The following PARVB variants were observed in gnomAD, a reference collection of about 807,000 sequenced individuals.
PARVB encodes parvin beta, also known as beta-parvin.
Under a neutral mutation model 47.0 loss-of-function variants are expected in PARVB, and 46 were observed. That is an observed-to-expected ratio of 0.98 (90% CI 0.77 to 1.25). PARVB has a LOEUF of 1.25. Ranked by LOEUF, PARVB falls within the 50% of genes most tolerant of loss-of-function variation. The pLI is 0.00. For synonymous variants in PARVB, 196 were observed against 196.3 expected (o/e 1.00, Z 0.01); for missense variants, 473 against 471.6 (o/e 1.00, Z -0.03).
In PARVB at chr22:44,064,676, C is replaced by CAAACAA. The variant is rs774138061; in HGVS notation, c.113-29232_113-29227dup. 4.0e-5 allele frequency among the ~76,000 whole-genome samples: 6 copies of CAAACAA among 151,812 alleles called. No individual in the cohort carries two copies. In the South Asian group the frequency reaches 6.2e-4, roughly 16 times the overall value. On this transcript the variant is annotated intron_variant, in intron 1 of 12. Transcript: ENST00000338758. ...CAACAAAGTGAGACTCCTGTCTCTA[C>CAAACAA]AAACAAAAACAAAAACAAAAACAAA...
chr22:44,018,027 A>G (rs1407728481), intron 2 of PARVB, among the ~76,000 whole-genome samples: 2 of 152,094 alleles, frequency 1.3e-5, no homozygotes, highest in African/African-American at 2.4e-5. Context: ...CCTGCCCTAG[A>G]TGACAGTCTC....
intron 1 of PARVB, among the ~76,000 whole-genome samples, chr22:44,056,276 C>G (rs145027291): frequency 3.3e-5 from 5 of 152,300 alleles, no homozygotes; most frequent in African/African-American, 1.2e-4. Context: ...CCCTTTGTCA[C>G]CTGGGAGGGG....
At chr22:44,077,619 G>A (rs568019191) in intron 1 of PARVB, among the ~76,000 whole-genome samples, 1 of 152,300 alleles carries the variant, frequency 6.6e-6, no homozygotes, top group East Asian at 1.9e-4. Context: ...GATGTGACGG[G>A]GAGTCGCCAG....
exon 1 of PARVB, chr22:43,999,281 T>C (rs763429344): frequency 4.5e-6 from 6 of 1,343,778 alleles, no homozygotes; most frequent in Non-Finnish European, 6.2e-6. Context: ...TTTTAATTTC[T>C]GAATTCTCCC....
At chr22:44,045,792 T>C (rs190582719) in intron 1 of PARVB, among the ~76,000 whole-genome samples, 1 of 152,368 alleles carries the variant, frequency 6.6e-6, no homozygotes, top group Non-Finnish European at 1.5e-5. Context: ...GGTCTGTCTT[T>C]ATGTTAGTAC....
At chr22:44,015,009 C>G (rs1184437945) in intron 2 of PARVB, among the ~76,000 whole-genome samples, 1 of 152,056 alleles carries the variant, frequency 6.6e-6, no homozygotes, top group Non-Finnish European at 1.5e-5. Context: ...CGCCACCATG[C>G]CTGGCTAATT....
intron 1 of PARVB, among the ~76,000 whole-genome samples, chr22:44,059,634 AG>A (rs374840516): frequency 6.6e-6 from 1 of 152,316 alleles, no homozygotes; most frequent in Non-Finnish European, 1.5e-5. Context: ...GCTCATTCAC[AG>A]GGGAGAAGAG....
At chr22:44,078,922 T>C (rs932774745) in intron 1 of PARVB, among the ~76,000 whole-genome samples, 1 of 152,178 alleles carries the variant, frequency 6.6e-6, no homozygotes, top group Non-Finnish European at 1.5e-5. Flanking sequence ...AGATGAGGTT[T>C]TACCATGTTG....
chr22:44,126,034 G>T (rs1169105377), intron 4 of PARVB, among the ~76,000 whole-genome samples: 1 of 152,166 alleles, frequency 6.6e-6, no homozygotes. Flanking sequence ...GGTTGGGAAG[G>T]CGGGGGTCTG....
intron 10 of PARVB, among the ~76,000 whole-genome samples, chr22:44,154,217 C>T (rs918258779): frequency 1.8e-4 from 27 of 152,094 alleles, no homozygotes; most frequent in African/African-American, 3.9e-4. Flanking sequence ...TTTTTCCCCC[C>T]GATTAATCGT....
chr22:44,034,980 G>A (rs1601506307), intron 1 of PARVB, among the ~76,000 whole-genome samples: 1 of 152,032 alleles, frequency 6.6e-6, no homozygotes, highest in African/African-American at 2.4e-5. Flanking sequence ...CAAAGTACTG[G>A]TATTACAGGC....
chr22:44,112,856 G>T (rs1414474398), intron 3 of PARVB: 2 of 110,310 alleles, frequency 1.8e-5, no homozygotes, highest in Non-Finnish European at 3.5e-5. Context: ...ACTAAGTAAG[G>T]CCCTGCACCA....
At position 44,168,716 on chromosome 22, in the gene PARVB, A is replaced by G. The variant is rs1196836694; in HGVS notation, c.*38A>G. The G allele has an allele frequency of 6.4e-6, 9 of 1,406,148 alleles. No homozygotes were observed. The highest frequency in any genetic ancestry group is 8.1e-6 in the Non-Finnish European group (8 of 990,660). The allele number at this position is 1,406,148 out of a possible 1,614,324, so 87.1% of individuals were successfully genotyped here. A position where few individuals can be genotyped will look rare whatever the true frequency, so the allele number is the denominator to read the frequency against. ...GGATGGTGGCAGGAGTGTCCCAGCA[A>G]GAAAGGCGGCATCCGTCTGTGCCCT... On this transcript the variant is annotated 3_prime_UTR_variant, in exon 13 of 13. Coordinates refer to ENST00000338758, the MANE Select transcript of PARVB (RefSeq NM_013327.5).
At chr22:44,085,092 G>C (rs2051994292) in intron 1 of PARVB, among the ~76,000 whole-genome samples, 1 of 152,028 alleles carries the variant, frequency 6.6e-6, no homozygotes, top group Non-Finnish European at 1.5e-5. Context: ...CGTACACATA[G>C]AAATACATAG....
rs181809005 is a variant in PARVB at position 44,169,132 on chromosome 22, C to G, written c.*454C>G. 71 of 146,800 alleles carry G rather than the reference C, an allele frequency of 4.8e-4. No individual in the cohort carries two copies. In the East Asian group the frequency reaches 0.013, roughly 26 times the overall value. 9.1% of individuals were successfully genotyped at this position (146,800 alleles called of 1,614,324 possible). On this transcript the variant is annotated 3_prime_UTR_variant, in exon 13 of 13. Transcript: ENST00000338758. ...GCAGGAACGCCGGCTCCCCGAGGAC[C>G]CAGGCTTGACGATTCACCGGGGATC...
At chr22:44,130,737 C>G (rs1246680969) in intron 4 of PARVB, among the ~76,000 whole-genome samples, 1 of 152,182 alleles carries the variant, frequency 6.6e-6, no homozygotes, top group African/African-American at 2.4e-5. Flanking sequence ...TCCTGACTCC[C>G]ACTTTCATTC....
At chr22:44,023,826 T>C (rs1217165745), upstream of PARVB, among the ~76,000 whole-genome samples, 1 of 152,206 alleles carries the variant, frequency 6.6e-6, no homozygotes, top group African/African-American at 2.4e-5. Flanking sequence ...GTCAGGCCAA[T>C]GACCTGTGCC....
chr22:44,156,369 T>C (rs1158611661), intron 10 of PARVB, among the ~76,000 whole-genome samples: 1 of 149,098 alleles, frequency 6.7e-6, no homozygotes, highest in African/African-American at 2.5e-5. Flanking sequence ...AACCTCTGCC[T>C]TCCGGGTTAA....
chr22:44,053,610 C>T (rs2051252086), intron 1 of PARVB, among the ~76,000 whole-genome samples: 1 of 152,154 alleles, frequency 6.6e-6, no homozygotes, highest in African/African-American at 2.4e-5. Flanking sequence ...CTGGATGTCC[C>T]CTAGTTCAAT....
Sources: gnomAD v4.1 joint callset for allele counts (sites outside exome capture counted in the v4.1 genomes callset) on GRCh38, gnomAD v4.1.1 for gene constraint, MANE v1.5 for transcripts, NCBI Gene and HGNC (gene_info 2026-07-23, HGNC 2026-07-21) for gene names.